Variants in SLC22A23 observed in about 807,000 individuals in gnomAD.
SLC22A23 encodes the protein ion transporter protein.
SLC22A23 carries 26 observed loss-of-function variants against 61.0 expected under a neutral mutation model. The observed-to-expected ratio is 0.43, with a 90% confidence interval of 0.31 to 0.59. SLC22A23 has a LOEUF of 0.59. Among genes scored for constraint, SLC22A23 ranks in the 20% least tolerant of loss-of-function variants. The probability of loss-of-function intolerance (pLI) is 0.11; values close to 1 mark genes in which losing one functional copy is unlikely to be tolerated. For synonymous variants in SLC22A23, 430 were observed against 413.9 expected (o/e 1.04, Z -0.47); for missense variants, 796 against 934.7 (o/e 0.85, Z 1.94).
chr6:3,407,741 G>T (rs1205189369), intron 3 of SLC22A23, among the ~76,000 whole-genome samples: 1 of 152,168 alleles, frequency 6.6e-6, no homozygotes, highest in Non-Finnish European at 1.5e-5. Context: ...TGTTTAATTT[G>T]TGGTCCCTAT....
chr6:3,298,400 G>C (rs1255200794), intron 4 of SLC22A23, among the ~76,000 whole-genome samples, 182 bp from the exon 5 acceptor site: 4 of 151,990 alleles, frequency 2.6e-5, no homozygotes, highest in Non-Finnish European at 4.4e-5. Flanking sequence ...CTTTTCCAAA[G>C]AGTAAAAATC....
intron 3 of SLC22A23, among the ~76,000 whole-genome samples, chr6:3,350,536 G>C (rs1188927358): frequency 6.6e-6 from 1 of 152,244 alleles, no homozygotes; most frequent in East Asian, 1.9e-4. Context: ...CAGTAGCAGG[G>C]AGTAGTAGGT....
At chr6:3,315,167 C>CA (rs5873876) in intron 4 of SLC22A23, among the ~76,000 whole-genome samples, 110 of 149,458 alleles carry the variant, frequency 7.4e-4, no homozygotes, top group East Asian at 1.8e-3. Context: ...GGGAAAAGTG[C>CA]AAAAAAAAAA....
At chr6:3,315,175 A>T (rs1372182755) in intron 4 of SLC22A23, among the ~76,000 whole-genome samples, 1 of 151,912 alleles carries the variant, frequency 6.6e-6, no homozygotes, top group African/African-American at 2.4e-5. Context: ...TGCAAAAAAA[A>T]AAACTGCACA....
intron 3 of SLC22A23, among the ~76,000 whole-genome samples, chr6:3,343,499 T>C (rs1321009739): frequency 6.7e-6 from 1 of 149,890 alleles, no homozygotes; most frequent in Non-Finnish European, 1.5e-5. Context: ...ATCCTCATCA[T>C]TTAGACATAA....
At chr6:3,382,660 A>G (rs1327127925) in intron 3 of SLC22A23, among the ~76,000 whole-genome samples, 2 of 152,220 alleles carry the variant, frequency 1.3e-5, no homozygotes, top group Non-Finnish European at 2.9e-5. Context: ...ATAAAGCTTT[A>G]TTGTAACACC....
intron 3 of SLC22A23, among the ~76,000 whole-genome samples, chr6:3,397,447 G>A (rs1768086998): frequency 6.6e-6 from 1 of 152,156 alleles, no homozygotes; most frequent in South Asian, 2.1e-4. Context: ...GTTATCTCTG[G>A]CTTAAAGGCA....
chr6:3,343,473 G>A (rs935078425), intron 3 of SLC22A23, among the ~76,000 whole-genome samples: 20 of 150,070 alleles, frequency 1.3e-4, no homozygotes, highest in East Asian at 5.9e-4. Flanking sequence ...ACACACACAC[G>A]CACACACACA....
intron 4 of SLC22A23, among the ~76,000 whole-genome samples, chr6:3,315,061 T>C (rs1163711370): frequency 2.6e-5 from 4 of 152,194 alleles, no homozygotes; most frequent in Non-Finnish European, 5.9e-5. Flanking sequence ...GCCTTTTGCG[T>C]TTCTATCTCT....
chr6:3,288,901 A>G (rs887523600), intron 6 of SLC22A23, among the ~76,000 whole-genome samples: 4 of 152,156 alleles, frequency 2.6e-5, no homozygotes, highest in African/African-American at 7.2e-5. Flanking sequence ...TCACAAATCA[A>G]TTTCAACCCA....
At chr6:3,447,578 ACTTT>A (rs1303112460) in intron 1 of SLC22A23, among the ~76,000 whole-genome samples, 27 of 132,936 alleles carry the variant, frequency 2.0e-4, no homozygotes, top group Admixed American at 5.6e-4. Context: ...GAGGAAAGAA[ACTTT>A]CTTTTTTTTT....
intron 3 of SLC22A23, among the ~76,000 whole-genome samples, chr6:3,380,037 A>G (rs1346642995): frequency 6.6e-6 from 1 of 152,232 alleles, no homozygotes; most frequent in East Asian, 1.9e-4. Context: ...ATGTGAGAAC[A>G]TAATGAGGGA....
chr6:3,374,334 G>A (rs1347075340), intron 3 of SLC22A23, among the ~76,000 whole-genome samples: 1 of 152,276 alleles, frequency 6.6e-6, no homozygotes, highest in African/African-American at 2.4e-5. Context: ...ACGCCAGCTG[G>A]GTGGATGAGA....
chr6:3,289,721 T>A, intron 6 of SLC22A23, 43 bp downstream of exon 6: 40 of 1,507,982 alleles, frequency 2.7e-5, no homozygotes, highest in Non-Finnish European at 3.1e-5. Context: ...CCTTCTTCCC[T>A]GGCCCCCTCC....
chr6:3,345,243 G>A (rs571579523), intron 3 of SLC22A23, among the ~76,000 whole-genome samples: 7 of 152,060 alleles, frequency 4.6e-5, no homozygotes, highest in Non-Finnish European at 8.8e-5. Flanking sequence ...ACTGAGAAAC[G>A]AAAGATACAT....
intron 3 of SLC22A23, among the ~76,000 whole-genome samples, chr6:3,376,379 G>A (rs1766566078): frequency 6.6e-6 from 1 of 152,088 alleles, no homozygotes; most frequent in Non-Finnish European, 1.5e-5. Context: ...TTCTGAGCTG[G>A]GTTATAGTCC....
intron 3 of SLC22A23, among the ~76,000 whole-genome samples, chr6:3,339,568 T>C (rs1386871099): frequency 1.3e-5 from 2 of 152,074 alleles, no homozygotes; most frequent in Admixed American, 1.3e-4. Context: ...AAAAGGCAGG[T>C]CATAAAGACC....
At chr6:3,354,890 C>T (rs972898566) in intron 3 of SLC22A23, among the ~76,000 whole-genome samples, 1 of 152,134 alleles carries the variant, frequency 6.6e-6, no homozygotes, top group African/African-American at 2.4e-5. Context: ...CTCATTAGTT[C>T]ATGGGTAGAC....
rs1310228029 is a variant in SLC22A23, at chr6:3,286,940, A to G, written c.1465T>C (p.Phe489Leu). Reference protein sequence around the residue: ...SCLAMCVVVRFLGRRGGLLLF... With the variant: ...SCLAMCVVVRLLGRRGGLLLF... ...AGCAGCCCTCCCCTGCGCCCGAGGAATCGGACCACCACGCACATGGCCAGG... is the reference window on the plus strand; with the variant it reads ...AGCAGCCCTCCCCTGCGCCCGAGGAGTCGGACCACCACGCACATGGCCAGG... Residue 489 changes from phenylalanine (F) to leucine (L), a missense_variant, in exon 7 of 10, where the codon TTC (phenylalanine) becomes CTC (leucine). Physicochemically the swap from Phe to Leu is conservative, Grantham distance 22 (BLOSUM62 0). Transcript: ENST00000406686. The surrounding 1 kb of genome is among the most constrained non-coding windows in gnomAD (Gnocchi z 4.2). 6.2e-7 allele frequency: 1 copy of G among 1,613,862 alleles called. No homozygotes were observed. Among genetic ancestry groups the G allele is most frequent in the African/African-American group, 1.3e-5 (1 of 74,942 alleles).
Sources: allele counts gnomAD v4.1 joint callset (sites outside exome capture counted in the v4.1 genomes callset), GRCh38; gene constraint gnomAD v4.1.1; non-coding constraint Gnocchi (gnomAD v3.1); transcripts MANE v1.5; gene names NCBI Gene and HGNC (gene_info 2026-07-23, HGNC 2026-07-21).